Variants in PPP2R1B observed in about 807,000 individuals in gnomAD.
PPP2R1B encodes protein phosphatase 2 scaffold subunit Abeta, also known as serine/threonine-protein phosphatase 2A 65 kDa regulatory subunit A beta isoform.
Under a neutral mutation model 72.7 loss-of-function variants are expected in PPP2R1B, and 58 were observed. The ratio of observed to expected loss-of-function variants is 0.80; its 90% CI spans 0.65 to 0.99. The LOEUF (loss-of-function observed/expected upper bound fraction) is 0.99, where lower values mean the gene tolerates loss of function less well. Ranked by LOEUF, PPP2R1B falls within the 50% of genes least tolerant of loss-of-function variation. The probability of loss-of-function intolerance (pLI) is 0.00; values close to 1 mark genes in which losing one functional copy is unlikely to be tolerated. For missense variants in PPP2R1B, 695 were observed against 733.6 expected, an observed-to-expected ratio of 0.95 and a Z score of 0.61; for synonymous variants, 256 against 264.6, an observed-to-expected ratio of 0.97 and a Z score of 0.32.
the PPP2R1B span, chr11:111,720,918 A>ACATCTT: frequency 6.2e-7 from 1 of 1,613,766 alleles, no homozygotes; most frequent in Non-Finnish European, 8.5e-7. Flanking sequence ...CATTTAGACA[A>ACATCTT]CATCTTCAGA....
At chr11:111,746,794 A>C (rs1944719947) in intron 11 of PPP2R1B, among the ~76,000 whole-genome samples, 1 of 152,210 alleles carries the variant, frequency 6.6e-6, no homozygotes, top group Non-Finnish European at 1.5e-5. Flanking sequence ...AAAAAGAAAT[A>C]AATAGGCCAC....
intron 5 of PPP2R1B, among the ~76,000 whole-genome samples, chr11:111,755,906 T>C (rs2136090144): frequency 6.6e-6 from 1 of 152,228 alleles, no homozygotes; most frequent in Admixed American, 6.5e-5. Flanking sequence ...CGTGTATTTA[T>C]ATCTTGAAAG....
the PPP2R1B span, chr11:111,719,705 T>C: frequency 1.4e-6 from 2 of 1,464,972 alleles, no homozygotes; most frequent in South Asian, 1.2e-5. Context: ...AGTCTTGACA[T>C]GTTTTCCTTT....
At chr11:111,743,974 C>T (rs1263734412) in intron 11 of PPP2R1B, among the ~76,000 whole-genome samples, 1 of 152,134 alleles carries the variant, frequency 6.6e-6, no homozygotes, top group Non-Finnish European at 1.5e-5. Flanking sequence ...TCTAGGAAGG[C>T]TTCGGCACAG....
At chr11:111,711,443 C>G in the PPP2R1B span, among the ~76,000 whole-genome samples, 1 of 152,170 alleles carries the variant, frequency 6.6e-6, no homozygotes, top group Non-Finnish European at 1.5e-5. Context: ...TTAAAAGAAG[C>G]ATTTGTAATG....
At chr11:111,704,105 G>A in the PPP2R1B span, among the ~76,000 whole-genome samples, 1 of 152,204 alleles carries the variant, frequency 6.6e-6, no homozygotes, top group Non-Finnish European at 1.5e-5. Flanking sequence ...AAGGCTCCGG[G>A]CTGTGCTGCC....
At chr11:111,765,856 C>A (rs1555052902) in intron 1 of PPP2R1B, 1 of 481,854 alleles carries the variant, frequency 2.1e-6, no homozygotes, top group Admixed American at 2.3e-5. Flanking sequence ...CTTCAAAGGG[C>A]TTCTGGGCAT....
At chr11:111,737,554 A>G (rs1371079365), downstream of PPP2R1B, 27 of 1,614,214 alleles carry the variant, frequency 1.7e-5, 1 homozygote, top group East Asian at 6.0e-4. Context: ...TAGCTTCCTC[A>G]GCCTTTGTGC....
the PPP2R1B span, among the ~76,000 whole-genome samples, chr11:111,690,986 G>A: frequency 6.6e-6 from 1 of 152,152 alleles, no homozygotes. Flanking sequence ...ATCATATGCT[G>A]TAGGAATTAC....
chr11:111,718,125 C>G, the PPP2R1B span, among the ~76,000 whole-genome samples: 2 of 152,258 alleles, frequency 1.3e-5, no homozygotes, highest in Admixed American at 6.5e-5. Context: ...TAAGAAATGT[C>G]TGGTAAAATT....
chr11:111,754,380 T>C, intron 8 of PPP2R1B, 119 bp downstream of exon 8: 1 of 1,353,446 alleles, frequency 7.4e-7, no homozygotes, highest in Non-Finnish European at 9.9e-7. Context: ...ATCTTCCCCA[T>C]TCATTCCCTG....
chr11:111,755,457 G>A lies in PPP2R1B; in HGVS notation c.688-7C>T. 1 of 1,592,626 alleles carries A rather than the reference G, an allele frequency of 6.3e-7. No individual in the cohort carries two copies. On this transcript the variant is annotated splice_region_variant and splice_polypyrimidine_tract_variant and intron_variant, in intron 5 of 14. Transcript: ENST00000527614. ...CAAGGAGGCGCACTGAATCCTAAAG[G>A]AACAAAATTTCTGTAATTCAGACAT...
At chr11:111,693,126 T>G in the PPP2R1B span, among the ~76,000 whole-genome samples, 6 of 151,822 alleles carry the variant, frequency 4.0e-5, no homozygotes, top group Non-Finnish European at 7.4e-5. Flanking sequence ...GAGGGCAGGA[T>G]TTCGAGACCA....
the PPP2R1B span, among the ~76,000 whole-genome samples, chr11:111,695,421 A>C: frequency 6.6e-6 from 1 of 152,110 alleles, no homozygotes; most frequent in African/African-American, 2.4e-5. Context: ...TCCTGTTTTA[A>C]AAAAAAGGAC....
intron 12 of PPP2R1B, 140 bp from the exon 13 acceptor site, chr11:111,742,805 G>A: frequency 2.9e-6 from 2 of 678,602 alleles, no homozygotes; most frequent in South Asian, 3.3e-5. Context: ...GGGGACACAA[G>A]AATCATTCAA....
the PPP2R1B span, among the ~76,000 whole-genome samples, chr11:111,705,310 T>G: frequency 6.6e-6 from 1 of 152,254 alleles, no homozygotes; most frequent in African/African-American, 2.4e-5. This position sits in a 1 kb window ranked among gnomAD's most constrained non-coding sequence, Gnocchi z 4.3. Flanking sequence ...TTCCTCATTT[T>G]TAAGGGTTAA....
rs560876333 is a variant in PPP2R1B at position 111,757,300 on chromosome 11, G to C, written c.688-1850C>G. On this transcript the variant is annotated intron_variant, in intron 5 of 14. Coordinates refer to ENST00000527614, the MANE Select transcript of PPP2R1B (RefSeq NM_002716.5). The stretch of plus-strand genomic sequence containing the variant: ...TATGTATATACGTATACACATACTT[G>C]AGAGACATAACAGTGACTCCAACTT... Among the ~76,000 whole-genome samples the C allele has an allele frequency of 3.3e-5, 5 of 152,194 alleles. No homozygotes were observed. In the South Asian group the frequency reaches 8.3e-4, roughly 25 times the overall value.
downstream of PPP2R1B, chr11:111,723,688 T>A: frequency 6.2e-7 from 1 of 1,613,968 alleles, no homozygotes; most frequent in Non-Finnish European, 8.5e-7. Flanking sequence ...TCCTGGAGCC[T>A]TCCTCCGAGC....
chr11:111,736,238 T>A (rs1424467087), downstream of PPP2R1B, among the ~76,000 whole-genome samples: 1 of 152,028 alleles, frequency 6.6e-6, no homozygotes, highest in African/African-American at 2.4e-5. Flanking sequence ...TCTCAGTAAC[T>A]CCTCGGCTAG....
Sources: gnomAD v4.1 joint callset for allele counts (sites outside exome capture counted in the v4.1 genomes callset) on GRCh38, gnomAD v4.1.1 for gene constraint, Gnocchi (gnomAD v3.1) non-coding constraint, MANE v1.5 for transcripts, NCBI Gene and HGNC (gene_info 2026-07-23, HGNC 2026-07-21) for gene names.